The following RABGAP1L variants were observed in gnomAD, a reference collection of about 807,000 sequenced individuals.
RABGAP1L encodes the protein RAB GTPase activating protein 1 like.
Under a neutral mutation model 137.7 loss-of-function variants are expected in RABGAP1L, and 63 were observed. That is an observed-to-expected ratio of 0.46 (90% CI 0.37 to 0.56). The LOEUF is 0.56. Ranked by LOEUF, RABGAP1L falls within the 20% of genes least tolerant of loss-of-function variation. The pLI, the probability that RABGAP1L is intolerant of heterozygous loss-of-function variation, is 0.00. For missense variants in RABGAP1L, 1,095 were observed against 1,244.0 expected (o/e 0.88, Z 1.80); for synonymous variants, 431 against 433.7 (o/e 0.99, Z 0.08).
chr1:174,556,034 G>A (rs115916919), intron 13 of RABGAP1L, among the ~76,000 whole-genome samples: 7,215 of 125,080 alleles, frequency 0.058, 265 homozygotes, highest in Middle Eastern at 0.096. Flanking sequence ...ATCTTGCTCT[G>A]TCACCAAGGC....
At chr1:174,662,568 A>G (rs983327825) in intron 14 of RABGAP1L, among the ~76,000 whole-genome samples, 6 of 151,476 alleles carry the variant, frequency 4.0e-5, no homozygotes, top group African/African-American at 1.5e-4. Context: ...TAATTTTTGT[A>G]TTTTTAGTAG....
At chr1:174,206,686 G>T (rs1668523646) in intron 1 of RABGAP1L, among the ~76,000 whole-genome samples, 1 of 152,088 alleles carries the variant, frequency 6.6e-6, no homozygotes. Context: ...ACCACATTTG[G>T]CACTGAAGGA....
intron 13 of RABGAP1L, among the ~76,000 whole-genome samples, chr1:174,544,018 G>A (rs181955763): frequency 4.5e-4 from 69 of 152,272 alleles, no homozygotes; most frequent in Non-Finnish European, 6.8e-4. Flanking sequence ...CTCTCTGGCT[G>A]CCCTTAACAT....
intron 13 of RABGAP1L, among the ~76,000 whole-genome samples, chr1:174,510,007 C>T (rs934651309): frequency 3.4e-4 from 51 of 152,172 alleles, no homozygotes; most frequent in African/African-American, 1.2e-3. Context: ...TTGATCTTCA[C>T]GTGCTGCTTC....
At chr1:174,771,313 G>T (rs1686092775) in intron 18 of RABGAP1L, among the ~76,000 whole-genome samples, 1 of 152,138 alleles carries the variant, frequency 6.6e-6, no homozygotes, top group African/African-American at 2.4e-5. Context: ...TTTATGTCAT[G>T]CCAGCTGTGT....
At chr1:174,688,850 A>G (rs1478053286) in intron 15 of RABGAP1L, among the ~76,000 whole-genome samples, 1 of 152,184 alleles carries the variant, frequency 6.6e-6, no homozygotes, top group African/African-American at 2.4e-5. Context: ...TACATTTGGT[A>G]TGATTCCATT....
At chr1:174,375,269 A>T (rs1002142974) in intron 12 of RABGAP1L, among the ~76,000 whole-genome samples, 2 of 151,958 alleles carry the variant, frequency 1.3e-5, no homozygotes, top group African/African-American at 4.8e-5. Flanking sequence ...ATGGCATATT[A>T]TACTAGAAAA....
chr1:174,195,685 TTTCC>T lies in RABGAP1L; in HGVS notation c.-33-23436_-33-23433del, dbSNP rs1323248726. Among the ~76,000 whole-genome samples the T allele has an allele frequency of 3.5e-3, 414 of 117,416 alleles. 2 individuals are homozygous for T. The highest frequency in any genetic ancestry group is 6.5e-3 in the African/African-American group (171 of 26,502). The allele number at this position is 117,416 out of a possible 152,430, so 77.0% of individuals were successfully genotyped here. A position where few individuals can be genotyped will look rare whatever the true frequency, so the allele number is the denominator to read the frequency against. On this transcript the variant is annotated intron_variant, in intron 1 of 25. Transcript: ENST00000681986. ...TTCCTTTCCTTTCCTTCTTTCCTTC[TTTCC>T]TTCTTTCCTTCTTTCCTTCTTTCTT...
At chr1:174,422,536 G>A (rs1250116340) in intron 13 of RABGAP1L, among the ~76,000 whole-genome samples, 1 of 152,074 alleles carries the variant, frequency 6.6e-6, no homozygotes, top group Non-Finnish European at 1.5e-5. Flanking sequence ...AGCCCTATGA[G>A]TTAGGCCAGT....
chr1:174,769,801 C>T (rs186137229), intron 18 of RABGAP1L, among the ~76,000 whole-genome samples: 43 of 151,738 alleles, frequency 2.8e-4, no homozygotes, highest in Middle Eastern at 6.8e-3. Context: ...TGCAGTGAGC[C>T]GAGATCACGC....
At position 174,241,605 on chromosome 1, in the gene RABGAP1L, A is replaced by G; in HGVS notation, c.665A>G (p.His222Arg). The stretch of plus-strand genomic sequence containing the variant: ...TGCTTTGCATTTACAGAGAGTTCCC[A>G]TGGTTCGGAAGAATTTCAGATACAT... ...SNCFAFTESSHGSEEFQIHVF... is the reference protein window; with the variant it reads ...SNCFAFTESSRGSEEFQIHVF... The change falls in exon 5 of 26, where the codon CAT becomes CGT. Residue 222 changes from histidine (H) to arginine (R), a missense_variant. This residue lies in a region of RABGAP1L where 356 missense variants were observed against 326.3 expected (regional missense o/e 1.09). Transcript: ENST00000681986. The G allele has an allele frequency of 1.9e-6, 3 of 1,613,996 alleles. No individual in the cohort carries two copies. Among genetic ancestry groups the G allele is most frequent in the East Asian group, 2.2e-5 (1 of 44,854 alleles).
intron 12 of RABGAP1L, among the ~76,000 whole-genome samples, chr1:174,378,147 G>T (rs1685740088): frequency 6.8e-6 from 1 of 146,362 alleles, no homozygotes; most frequent in Non-Finnish European, 1.5e-5. Context: ...AGTATTCCAT[G>T]GTGTATATGT....
rs556531008 is a variant in RABGAP1L, at chr1:174,892,830, A to C, written c.2341-64627A>C. 72 of 281,338 alleles carry C rather than the reference A, an allele frequency of 2.6e-4. 1 individual carries two copies. Among genetic ancestry groups the C allele is most frequent in the African/African-American group, 1.6e-3 (68 of 42,878 alleles). The allele number at this position is 281,338 out of a possible 1,614,324, so 17.4% of individuals were successfully genotyped here. A position where few individuals can be genotyped will look rare whatever the true frequency, so the allele number is the denominator to read the frequency against. ...CTGCAACCTCCGCCTCCCAGGTTCA[A>C]GCGATTCTCCTGCCTCAACCTCTCG... On this transcript the variant is annotated intron_variant, in intron 19 of 25. Transcript: ENST00000681986.
chr1:174,659,144 G>C (rs943125220), intron 14 of RABGAP1L, among the ~76,000 whole-genome samples: 1 of 151,024 alleles, frequency 6.6e-6, no homozygotes, highest in Non-Finnish European at 1.5e-5. Flanking sequence ...GCACATCCCT[G>C]TGTGCTAGGC....
intron 11 of RABGAP1L, among the ~76,000 whole-genome samples, chr1:174,352,158 C>G (rs1161145312): frequency 6.6e-6 from 1 of 152,164 alleles, no homozygotes; most frequent in African/African-American, 2.4e-5. Flanking sequence ...CAACTGATCT[C>G]TCTCTCTCTC....
intron 13 of RABGAP1L, among the ~76,000 whole-genome samples, chr1:174,506,979 C>T (rs1410577956): frequency 2.0e-5 from 3 of 152,116 alleles, no homozygotes; most frequent in Non-Finnish European, 2.9e-5. Context: ...GATGTGGAGG[C>T]GCGTGCCTGT....
intron 10 of RABGAP1L, among the ~76,000 whole-genome samples, chr1:174,280,549 C>A (rs1369065525): frequency 6.6e-6 from 1 of 152,142 alleles, no homozygotes; most frequent in East Asian, 1.9e-4. Context: ...ACTATTTTTT[C>A]TTGGCAACTT....
chr1:174,968,652 A>G (rs966680021), intron 20 of RABGAP1L, among the ~76,000 whole-genome samples: 2 of 152,090 alleles, frequency 1.3e-5, no homozygotes, highest in African/African-American at 4.8e-5. Context: ...AAATTTTTTA[A>G]AAAACAAAAA....
chr1:174,638,959 C>T (rs1174985919), intron 14 of RABGAP1L, among the ~76,000 whole-genome samples: 12 of 144,384 alleles, frequency 8.3e-5, no homozygotes, highest in African/African-American at 1.6e-4. Flanking sequence ...GTGGGTGCAG[C>T]GCACCAGCAT....
Sources: allele counts gnomAD v4.1 joint callset (sites outside exome capture counted in the v4.1 genomes callset), GRCh38; gene constraint gnomAD v4.1.1; regional missense constraint gnomAD v4.1.1; transcripts MANE v1.5; gene names NCBI Gene and HGNC (gene_info 2026-07-23, HGNC 2026-07-21).